Variants in SEPSECS observed in about 807,000 individuals in gnomAD.
SEPSECS encodes Sep (O-phosphoserine) tRNA:Sec (selenocysteine) tRNA synthase, also known as O-phosphoseryl-tRNA(Sec) selenium transferase.
Under a neutral mutation model 52.1 loss-of-function variants are expected in SEPSECS, and 42 were observed. The ratio of observed to expected loss-of-function variants is 0.81; its 90% CI spans 0.63 to 1.04. SEPSECS has a LOEUF of 1.04. SEPSECS is among the 50% of genes least tolerant of loss of function. The pLI is 0.00. For missense variants in SEPSECS, 590 were observed against 610.6 expected (o/e 0.97, Z 0.36); for synonymous variants, 216 against 211.4 (o/e 1.02, Z -0.19).
Position 25,156,030 on chromosome 4 carries a change from C to T in SEPSECS, c.547+7G>A. 1 of 1,611,166 alleles carries T rather than the reference C, an allele frequency of 6.2e-7. No individual in the cohort carries two copies. The highest frequency in any genetic ancestry group is 1.7e-5 in the Admixed American group (1 of 60,022). On this transcript the variant is annotated splice_region_variant and intron_variant, in intron 4 of 10. Transcript: ENST00000382103. ...GTTTAAAACATTATGTATGACACTT[C>T]TCTTACCTGCAGTGATCATGGATTT...
chr4:25,144,870 A>C lies in SEPSECS; in HGVS notation c.935-5T>G, dbSNP rs2302564. The C allele has an allele frequency of 4.8e-3, 7,748 of 1,608,638 alleles. 278 individuals carry two copies. In the East Asian group the frequency reaches 0.097, roughly 20 times the overall value. On this transcript the variant is annotated splice_region_variant and splice_polypyrimidine_tract_variant and intron_variant, in intron 7 of 10. Coordinates refer to ENST00000382103, the MANE Select transcript of SEPSECS (RefSeq NM_016955.4). ...AAGGTGAAGCTGAAGCTCTTCCTGA[A>C]ATAAGAAGGATAAGTTACATTAAGA...
chr4:25,129,575 T>C (rs943670680), intron 8 of SEPSECS, among the ~76,000 whole-genome samples: 1 of 151,612 alleles, frequency 6.6e-6, no homozygotes, highest in African/African-American at 2.4e-5. Flanking sequence ...TGAGCCAAGA[T>C]TGTGCCAGTT....
chr4:25,142,889 C>T (rs1050742355), intron 8 of SEPSECS, among the ~76,000 whole-genome samples: 8 of 152,110 alleles, frequency 5.3e-5, no homozygotes, highest in African/African-American at 1.7e-4. Flanking sequence ...TCTTTTAAGA[C>T]TAAAAGTGGC....
At position 25,124,053 on chromosome 4, in the gene SEPSECS, T is replaced by C. The variant is rs1728250014; in HGVS notation, c.1384A>G (p.Arg462Gly). 1 of 1,613,896 alleles carries C rather than the reference T, an allele frequency of 6.2e-7. No homozygotes were observed. Among genetic ancestry groups the C allele is most frequent in the Admixed American group, 1.7e-5 (1 of 60,006 alleles). ...KRLDRCLKAVRKERSKESDDN... is the reference protein window; with the variant it reads ...KRLDRCLKAVGKERSKESDDN... The stretch of plus-strand genomic sequence containing the variant: ...TCACTCTCTTTACTTCGTTCTTTTC[T>C]TACTGCCTTTAAACACCTGTCAAGT... Residue 462 changes from arginine (R) to glycine (G), a missense_variant, in exon 11 of 11, where the codon AGA becomes GGA. Coordinates refer to ENST00000382103, the MANE Select transcript of SEPSECS (RefSeq NM_016955.4).
At position 25,160,346 on chromosome 4, in the gene SEPSECS, C is replaced by A. The variant is rs2109041887; in HGVS notation, c.24G>T (p.Ala8=). ...AAGCCGGCGACACCAGCCGCTCTCCCGCCGCGAAGCTCTCGCGGTTCATGA... is the reference window on the plus strand; with the variant it reads ...AAGCCGGCGACACCAGCCGCTCTCCAGCCGCGAAGCTCTCGCGGTTCATGA... MNRESFA[A]GERLVSPAYV... is the part of the protein sequence containing the mutation. The change falls in exon 1 of 11, where the codon GCG becomes GCT. Residue 8 remains alanine, a synonymous_variant. Coordinates refer to ENST00000382103, the MANE Select transcript of SEPSECS (RefSeq NM_016955.4). The A allele has an allele frequency of 6.5e-7, 1 of 1,548,866 alleles. No individual in the cohort carries two copies. Among genetic ancestry groups the A allele is most frequent in the South Asian group, 1.2e-5 (1 of 84,038 alleles).
intron 6 of SEPSECS, among the ~76,000 whole-genome samples, chr4:25,148,243 C>G (rs1030311811): frequency 4.0e-5 from 6 of 151,070 alleles, no homozygotes; most frequent in Admixed American, 1.3e-4. Context: ...GTCCCAGCTA[C>G]TCGGGAGGCT....
chr4:25,143,197 T>C (rs1711713011), intron 8 of SEPSECS, among the ~76,000 whole-genome samples: 1 of 152,220 alleles, frequency 6.6e-6, no homozygotes, highest in Admixed American at 6.5e-5. Flanking sequence ...ATTGTCAGAC[T>C]TACTGAGGTA....
At chr4:25,134,897 C>T (rs922339406) in intron 8 of SEPSECS, among the ~76,000 whole-genome samples, 2 of 152,052 alleles carry the variant, frequency 1.3e-5, no homozygotes, top group Admixed American at 1.3e-4. Context: ...AATTATAACT[C>T]AAGGTTAAGA....
rs753442571 is a variant in SEPSECS at position 25,152,017 on chromosome 4, A to G, written c.747T>C (p.His249=). 1 of 1,601,420 alleles carries G rather than the reference A, an allele frequency of 6.2e-7. No individual in the cohort carries two copies. The highest frequency in any genetic ancestry group is 1.1e-5 in the South Asian group (1 of 90,822). ...GCACTCCATAAGCATTATTAACTAT[A>G]TGTGGAATGTCATAATTAGCACAAA... ...AVICANYDIP[H]IVNNAYGVQS... Residue 249 remains histidine, a synonymous_variant, in exon 6 of 11, where the codon CAT becomes CAC. Transcript: ENST00000382103.
rs1443518603 is a variant in SEPSECS, at chr4:25,121,739, GA to G, written c.*2191del. Reference sequence around the variant, plus strand: ...AGGGTTAATAATAAAAACCACAGCTGATTTTCTGCATCAGGAATGAAATATT... The same window carrying G: ...AGGGTTAATAATAAAAACCACAGCTGTTTTCTGCATCAGGAATGAAATATT... On this transcript the variant is annotated 3_prime_UTR_variant, in exon 11 of 11. Coordinates refer to ENST00000382103, the MANE Select transcript of SEPSECS (RefSeq NM_016955.4). 6.6e-6 allele frequency: 1 copy of G among 152,054 alleles called. No individual in the cohort carries two copies. Among genetic ancestry groups the G allele is most frequent in the Non-Finnish European group, 1.5e-5 (1 of 67,962 alleles). 9.4% of individuals were successfully genotyped at this position (152,054 alleles called of 1,614,324 possible).
chr4:25,150,126 T>C (rs1712210774), intron 6 of SEPSECS, among the ~76,000 whole-genome samples: 2 of 152,210 alleles, frequency 1.3e-5, no homozygotes, highest in African/African-American at 4.8e-5. Flanking sequence ...AAAGATGATA[T>C]TAGTATACTA....
intron 6 of SEPSECS, among the ~76,000 whole-genome samples, chr4:25,151,108 G>A (rs1712272167): frequency 6.6e-6 from 1 of 152,172 alleles, no homozygotes; most frequent in Non-Finnish European, 1.5e-5. Context: ...TATATAGCCT[G>A]TATCATACAT....
chr4:25,160,000 G>C (rs1425882262), intron 1 of SEPSECS: 2 of 985,222 alleles, frequency 2.0e-6, no homozygotes, highest in Non-Finnish European at 2.4e-6. Context: ...TCCGCATCCC[G>C]AAGTTAGAAA....
At chr4:25,130,352 T>C (rs1223253399) in intron 8 of SEPSECS, among the ~76,000 whole-genome samples, 1 of 152,240 alleles carries the variant, frequency 6.6e-6, no homozygotes, top group South Asian at 2.1e-4. Context: ...AACTTACTGA[T>C]GCATACATGG....
chr4:25,143,037 T>C (rs544131246), intron 8 of SEPSECS, among the ~76,000 whole-genome samples: 1 of 152,336 alleles, frequency 6.6e-6, no homozygotes, highest in African/African-American at 2.4e-5. Context: ...CAAGTTTTCC[T>C]CATCTATAGA....
At chr4:25,125,303 T>C (rs1728314374) in intron 10 of SEPSECS, 1 of 176,206 alleles carries the variant, frequency 5.7e-6, no homozygotes, top group Admixed American at 5.7e-5. Context: ...TTTTTTTTAG[T>C]TTAGGAAGAA....
intron 5 of SEPSECS, among the ~76,000 whole-genome samples, chr4:25,153,116 G>T (rs957081511): frequency 2.0e-5 from 3 of 151,762 alleles, no homozygotes; most frequent in African/African-American, 7.2e-5. Flanking sequence ...TTGCTTGCTT[G>T]AAGTCTTATG....
At chr4:25,135,169 A>G (rs1728785990) in intron 8 of SEPSECS, among the ~76,000 whole-genome samples, 1 of 152,094 alleles carries the variant, frequency 6.6e-6, no homozygotes, top group Non-Finnish European at 1.5e-5. Flanking sequence ...AAGAGCAAAC[A>G]AATCCCAAAG....
chr4:25,159,907 A>G, intron 1 of SEPSECS: 2 of 1,182,466 alleles, frequency 1.7e-6, no homozygotes, highest in Non-Finnish European at 2.1e-6. Flanking sequence ...ATGTGTTCTG[A>G]GTCGTTGAGG....
Sources: allele counts gnomAD v4.1 joint callset (sites outside exome capture counted in the v4.1 genomes callset), GRCh38; gene constraint gnomAD v4.1.1; transcripts MANE v1.5; gene names NCBI Gene and HGNC (gene_info 2026-07-23, HGNC 2026-07-21).